NDUFS4: variants seen among roughly 807,000 people sequenced by gnomAD.
NDUFS4 encodes NADH dehydrogenase [ubiquinone] iron-sulfur protein 4, mitochondrial.
A neutral mutation model predicts 24.3 loss-of-function variants in NDUFS4; 28 were observed. The observed-to-expected ratio is 1.15, with a 90% CI of 0.85 to 1.58. The LOEUF is 1.58. NDUFS4 is among the 40% of genes most tolerant of loss of function. NDUFS4 has a pLI of 0.00. For synonymous variants in NDUFS4, 93 were observed against 69.7 expected, an observed-to-expected ratio of 1.34 and a Z score of -1.67; for missense variants, 223 against 207.9, an observed-to-expected ratio of 1.07 and a Z score of -0.45.
chr5:53,616,263 A>G (rs1457275237), intron 2 of NDUFS4, among the ~76,000 whole-genome samples: 1 of 152,026 alleles, frequency 6.6e-6, no homozygotes, highest in Non-Finnish European at 1.5e-5. Flanking sequence ...GTAGCTATGA[A>G]CAAAGCACAA....
At position 53,681,928 on chromosome 5, in the gene NDUFS4, T is replaced by TG. The variant is rs1740678856; in HGVS notation, c.425-1189dup. Among the ~76,000 whole-genome samples, 3 of 152,096 alleles carry TG rather than the reference T, an allele frequency of 2.0e-5. No individual in the cohort carries two copies. In the South Asian group the frequency reaches 6.2e-4, roughly 31 times the overall value. Reference sequence around the variant, plus strand: ...AACTGAATACTAACTAAGGGACTATTGAAATGTAAGCTTTGTGGCAGAAAG... The same window carrying TG: ...AACTGAATACTAACTAAGGGACTATTGGAAATGTAAGCTTTGTGGCAGAAAG... On this transcript the variant is annotated intron_variant, in intron 4 of 4. Coordinates refer to ENST00000296684, the MANE Select transcript of NDUFS4 (RefSeq NM_002495.4).
chr5:53,610,414 A>T (rs1435337046), intron 2 of NDUFS4, among the ~76,000 whole-genome samples: 3 of 152,168 alleles, frequency 2.0e-5, no homozygotes, highest in Non-Finnish European at 4.4e-5. Flanking sequence ...ACCATAACAC[A>T]TACAATGCAA....
chr5:53,591,660 C>T (rs1749964508), intron 1 of NDUFS4, among the ~76,000 whole-genome samples: 1 of 151,932 alleles, frequency 6.6e-6, no homozygotes, highest in African/African-American at 2.4e-5. Context: ...GCCAGACTGT[C>T]TTCCAAATTG....
chr5:53,680,986 C>CCAT (rs1406878049), intron 4 of NDUFS4, among the ~76,000 whole-genome samples: 2 of 152,068 alleles, frequency 1.3e-5, no homozygotes, highest in African/African-American at 4.8e-5. Context: ...CCTGTATACC[C>CCAT]CATCTAAAGT....
At chr5:53,608,404 T>C (rs577337435) in intron 2 of NDUFS4, among the ~76,000 whole-genome samples, 1 of 152,214 alleles carries the variant, frequency 6.6e-6, no homozygotes, top group African/African-American at 2.4e-5. Flanking sequence ...CTTCCTTTCA[T>C]GAAAAATTTC....
At chr5:53,613,428 G>C (rs376686841) in intron 2 of NDUFS4, among the ~76,000 whole-genome samples, 89 of 151,976 alleles carry the variant, frequency 5.9e-4, no homozygotes, top group African/African-American at 2.1e-3. Context: ...GCAGTTTAGC[G>C]TGTGGGTTTT....
chr5:53,578,960 A>T (rs1749470679), intron 1 of NDUFS4, among the ~76,000 whole-genome samples: 1 of 152,056 alleles, frequency 6.6e-6, no homozygotes, highest in Non-Finnish European at 1.5e-5. Flanking sequence ...CCAAATTGTG[A>T]CCTCCCGTGC....
chr5:53,584,832 A>T (rs1030239503), intron 1 of NDUFS4, among the ~76,000 whole-genome samples: 2 of 151,434 alleles, frequency 1.3e-5, no homozygotes, highest in Non-Finnish European at 2.9e-5. Flanking sequence ...CTGTGGCGGG[A>T]TCTCAGCTCA....
At chr5:53,580,328 G>T (rs2112426332) in intron 1 of NDUFS4, among the ~76,000 whole-genome samples, 1 of 152,212 alleles carries the variant, frequency 6.6e-6, no homozygotes, top group Middle Eastern at 3.4e-3. Context: ...GATCATTTAG[G>T]ACTCAACTAA....
intron 4 of NDUFS4, among the ~76,000 whole-genome samples, chr5:53,662,944 C>A (rs570750526): frequency 1.3e-5 from 2 of 152,028 alleles, no homozygotes; most frequent in Non-Finnish European, 2.9e-5. Flanking sequence ...TTCCTGCTTT[C>A]TCTTGTGGGC....
chr5:53,570,904 G>A (rs374907024), intron 1 of NDUFS4, among the ~76,000 whole-genome samples: 12 of 151,718 alleles, frequency 7.9e-5, no homozygotes, highest in African/African-American at 2.2e-4. Flanking sequence ...GGCTAGTCTC[G>A]AACTCCTGAC....
chr5:53,604,347 T>A (rs1750431173), intron 2 of NDUFS4, among the ~76,000 whole-genome samples: 1 of 152,210 alleles, frequency 6.6e-6, no homozygotes, highest in Non-Finnish European at 1.5e-5. Context: ...CACACTTAAA[T>A]TTCTATTTGC....
chr5:53,681,706 T>C (rs912586300), intron 4 of NDUFS4, among the ~76,000 whole-genome samples: 3 of 152,132 alleles, frequency 2.0e-5, no homozygotes, highest in Non-Finnish European at 4.4e-5. Flanking sequence ...CTTTCCTGCT[T>C]CCCCATTTCC....
chr5:53,568,822 A>C (rs1271385165), intron 1 of NDUFS4, among the ~76,000 whole-genome samples: 1 of 152,200 alleles, frequency 6.6e-6, no homozygotes, highest in Non-Finnish European at 1.5e-5. Context: ...AATCGTTTCA[A>C]ATGTTGAGAG....
At chr5:53,601,197 G>T (rs957785343) in intron 1 of NDUFS4, among the ~76,000 whole-genome samples, 1 of 151,820 alleles carries the variant, frequency 6.6e-6, no homozygotes, top group African/African-American at 2.4e-5. Context: ...TAGAGACGGG[G>T]TTTCACCGTG....
intron 2 of NDUFS4, among the ~76,000 whole-genome samples, chr5:53,644,865 C>T (rs901998817): frequency 6.6e-6 from 1 of 151,944 alleles, no homozygotes; most frequent in African/African-American, 2.4e-5. Context: ...GGATTGGTTG[C>T]CAACTAAAAT....
intron 1 of NDUFS4, among the ~76,000 whole-genome samples, chr5:53,565,562 G>C (rs902065637): frequency 6.6e-6 from 1 of 152,160 alleles, no homozygotes; most frequent in Admixed American, 6.5e-5. Flanking sequence ...GGAGCATTAC[G>C]CAGTGTTTCT....
Position 53,646,349 on chromosome 5 carries a change from G to A in NDUFS4, c.294G>A (p.Lys98=), listed in dbSNP as rs1751863265. 1 of 1,613,792 alleles carries A rather than the reference G, an allele frequency of 6.2e-7. No individual in the cohort carries two copies. The highest frequency in any genetic ancestry group is 8.5e-7 in the Non-Finnish European group (1 of 1,179,864). The part of the protein sequence containing the change: ...QSGVNNTKKW[K]MEFDTRERWE... ...GAGTAAACAACACAAAGAAATGGAA[G>A]ATGGAGTTTGATACCAGAGAGCGAT... Residue 98 remains lysine, a synonymous_variant, in exon 3 of 5, where the codon AAG becomes AAA. Coordinates refer to ENST00000296684, the MANE Select transcript of NDUFS4 (RefSeq NM_002495.4).
At chr5:53,668,724 G>C (rs1752588322) in intron 4 of NDUFS4, among the ~76,000 whole-genome samples, 1 of 151,240 alleles carries the variant, frequency 6.6e-6, no homozygotes. Flanking sequence ...GCCTCCCAAA[G>C]TGCTGCAATT....
Sources: allele counts gnomAD v4.1 joint callset (sites outside exome capture counted in the v4.1 genomes callset), GRCh38; gene constraint gnomAD v4.1.1; transcripts MANE v1.5; gene names NCBI Gene and HGNC (gene_info 2026-07-23, HGNC 2026-07-21).